DLC1: variants seen among roughly 807,000 people sequenced by gnomAD.
DLC1 encodes the protein DLC1 Rho GTPase activating protein.
A neutral mutation model predicts 140.3 loss-of-function variants in DLC1; 54 were observed. The ratio of observed to expected loss-of-function variants is 0.38; its 90% confidence interval spans 0.31 to 0.48. The LOEUF (loss-of-function observed/expected upper bound fraction) is 0.48. DLC1 is among the 20% of genes least tolerant of loss of function. DLC1 has a pLI of 0.96. For missense variants in DLC1, 2,536 were observed against 1,907.0 expected (o/e 1.33, Z -6.14); for synonymous variants, 986 against 728.1 (o/e 1.35, Z -5.70).
chr8:13,115,762 A>G, intron 5 of DLC1, 105 bp from the exon 6 acceptor site: 1 of 1,041,184 alleles, frequency 9.6e-7, no homozygotes, highest in Non-Finnish European at 1.5e-6. Flanking sequence ...CATGACTGCC[A>G]TAGAAAATAC....
intron 5 of DLC1, among the ~76,000 whole-genome samples, chr8:13,139,671 G>T (rs1822829653): frequency 1.3e-5 from 2 of 152,178 alleles, no homozygotes; most frequent in African/African-American, 2.4e-5. Flanking sequence ...TTTATTTAAA[G>T]TCATCAGCTC....
chr8:13,188,067 T>C (rs933902764), intron 5 of DLC1, among the ~76,000 whole-genome samples: 3 of 149,088 alleles, frequency 2.0e-5, no homozygotes, highest in Non-Finnish European at 4.4e-5. Context: ...AGCAGGTCCA[T>C]ACAACAGTGG....
intron 4 of DLC1, among the ~76,000 whole-genome samples, chr8:13,353,170 G>T (rs1473569235): frequency 2.6e-5 from 4 of 152,200 alleles, no homozygotes; most frequent in African/African-American, 9.6e-5. Flanking sequence ...GGTTAGAGAA[G>T]TTAAACCCAG....
chr8:13,192,158 C>T (rs2117029905), intron 5 of DLC1, among the ~76,000 whole-genome samples: 1 of 151,872 alleles, frequency 6.6e-6, no homozygotes, highest in East Asian at 1.9e-4. Flanking sequence ...ACCATGTTGG[C>T]CAGGCTGGTC....
intron 5 of DLC1, among the ~76,000 whole-genome samples, chr8:13,295,597 A>T (rs1229886993): frequency 1.3e-5 from 2 of 152,354 alleles, no homozygotes; most frequent in East Asian, 3.9e-4. Flanking sequence ...ATTCTATAAT[A>T]GAAATGTCTA....
chr8:13,292,495 T>C (rs1445138503), intron 5 of DLC1, among the ~76,000 whole-genome samples: 1 of 152,204 alleles, frequency 6.6e-6, no homozygotes, highest in Non-Finnish European at 1.5e-5. Flanking sequence ...CTCTCCACTT[T>C]CCTAAAGTCA....
At chr8:13,365,585 A>C (rs1835441767) in intron 4 of DLC1, among the ~76,000 whole-genome samples, 2 of 152,122 alleles carry the variant, frequency 1.3e-5, no homozygotes, top group Non-Finnish European at 2.9e-5. Context: ...GTTGGAGTCC[A>C]CCTTGCTTAA....
chr8:13,256,160 T>C (rs11988760), intron 5 of DLC1, among the ~76,000 whole-genome samples: 13,873 of 152,200 alleles, frequency 0.091, 722 homozygotes, highest in South Asian at 0.17. Context: ...ATTGAATGAA[T>C]GAAATAAATA....
At chr8:13,385,497 T>A (rs1311501549) in intron 4 of DLC1, among the ~76,000 whole-genome samples, 1 of 152,160 alleles carries the variant, frequency 6.6e-6, no homozygotes, top group African/African-American at 2.4e-5. Flanking sequence ...AGCGAGTACA[T>A]AAAGTATTCA....
intron 4 of DLC1, among the ~76,000 whole-genome samples, chr8:13,322,342 A>G (rs1049673941): frequency 6.6e-6 from 1 of 152,162 alleles, no homozygotes; most frequent in Non-Finnish European, 1.5e-5. Context: ...GAAAGCTTCT[A>G]ACTCTATTTA....
At chr8:13,307,386 C>T (rs1037083293) in intron 4 of DLC1, among the ~76,000 whole-genome samples, 1 of 152,198 alleles carries the variant, frequency 6.6e-6, no homozygotes, top group East Asian at 1.9e-4. Context: ...AAGAACTTCT[C>T]TGATTCAATA....
intron 4 of DLC1, among the ~76,000 whole-genome samples, chr8:13,331,217 A>AT (rs1833573931): frequency 6.6e-6 from 1 of 152,156 alleles, no homozygotes; most frequent in African/African-American, 2.4e-5. Flanking sequence ...TCAATTTTTA[A>AT]TTTTTGTTAT....
At chr8:13,451,996 G>A (rs1045516974) in intron 2 of DLC1, among the ~76,000 whole-genome samples, 2 of 152,026 alleles carry the variant, frequency 1.3e-5, no homozygotes, top group Admixed American at 6.6e-5. Context: ...AACAGAGTAC[G>A]AGGGTTCTAT....
intron 2 of DLC1, among the ~76,000 whole-genome samples, chr8:13,413,256 A>ATGTTTTTTTTTTTTTTT (rs1837875443): frequency 1.2e-5 from 1 of 82,020 alleles, no homozygotes; most frequent in African/African-American, 5.0e-5. Context: ...TTTTTTTGCG[A>ATGTTTTTTTTTTTTTTT]TTTTTTTTTT....
intron 1 of DLC1, among the ~76,000 whole-genome samples, chr8:13,562,992 G>T (rs886405790): frequency 6.6e-6 from 1 of 151,708 alleles, no homozygotes; most frequent in Non-Finnish European, 1.5e-5. Flanking sequence ...TATGAGAGAC[G>T]TATTTATATT....
intron 5 of DLC1, among the ~76,000 whole-genome samples, chr8:13,191,527 A>C (rs1261115061): frequency 6.6e-6 from 1 of 152,234 alleles, no homozygotes; most frequent in East Asian, 1.9e-4. Flanking sequence ...AACGACCAGA[A>C]CAGTAAGGAG....
chr8:13,176,332 A>G (rs1291277284), intron 5 of DLC1, among the ~76,000 whole-genome samples: 1 of 152,170 alleles, frequency 6.6e-6, no homozygotes, highest in Non-Finnish European at 1.5e-5. Flanking sequence ...TAATCCCAGC[A>G]CTTTGGGAGG....
intron 5 of DLC1, among the ~76,000 whole-genome samples, chr8:13,171,423 C>T (rs1025794843): frequency 7.9e-5 from 12 of 151,968 alleles, no homozygotes; most frequent in African/African-American, 2.2e-4. Flanking sequence ...TGCTCTGTCA[C>T]TCAGACTGGA....
chr8:13,379,729 T>C (rs1836167559), intron 4 of DLC1, among the ~76,000 whole-genome samples: 2 of 152,212 alleles, frequency 1.3e-5, no homozygotes, highest in African/African-American at 4.8e-5. Flanking sequence ...GGTGGTTTTC[T>C]GTACGCATCA....
Sources: allele counts gnomAD v4.1 joint callset (sites outside exome capture counted in the v4.1 genomes callset), GRCh38; gene constraint gnomAD v4.1.1; transcripts MANE v1.5; gene names NCBI Gene and HGNC (gene_info 2026-07-23, HGNC 2026-07-21).